PTPN13: variants seen among roughly 807,000 people sequenced by gnomAD.
The protein encoded by PTPN13 is tyrosine-protein phosphatase non-receptor type 13.
PTPN13 carries 191 observed loss-of-function variants against 284.0 expected under a neutral mutation model. The observed-to-expected ratio is 0.67, with a 90% CI of 0.60 to 0.76. PTPN13 has a LOEUF of 0.76. Ranked by LOEUF, PTPN13 falls within the 30% of genes least tolerant of loss-of-function variation. The pLI is 0.00. For missense variants in PTPN13, 2,797 were observed against 2,939.9 expected, an observed-to-expected ratio of 0.95 and a Z score of 1.12; for synonymous variants, 986 against 1,022.3, an observed-to-expected ratio of 0.96 and a Z score of 0.68.
At chr4:86,644,248 C>A (rs1283321578) in intron 2 of PTPN13, among the ~76,000 whole-genome samples, 1 of 152,020 alleles carries the variant, frequency 6.6e-6, no homozygotes, top group Non-Finnish European at 1.5e-5. Context: ...TATTCTGCCT[C>A]AGCCTCCCAA....
rs77751071 is a variant in PTPN13 at position 86,736,153 on chromosome 4, C to T, written c.2304+407C>T. Among the ~76,000 whole-genome samples the T allele has an allele frequency of 2.6e-3, 396 of 152,240 alleles. 4 individuals carry two copies. Among genetic ancestry groups the T allele is most frequent in the African/African-American group, 9.2e-3 (384 of 41,548 alleles). ...TCTCAAAAGGCTTAAAATTCAATTA[C>T]ATCCTTTAAAAATGGTCTTCCCACT... On this transcript the variant is annotated intron_variant, in intron 15 of 47. Coordinates refer to ENST00000411767, the MANE Select transcript of PTPN13 (RefSeq NM_080683.3).
chr4:86,799,317 C>CTT (rs11358237), intron 42 of PTPN13, 113 bp downstream of exon 42: 3,681 of 368,050 alleles, frequency 0.01, 58 homozygotes, highest in African/African-American at 0.053. Context: ...ACATTATTTG[C>CTT]TTTTTTTTTT....
intron 7 of PTPN13, among the ~76,000 whole-genome samples, chr4:86,705,101 CA>C (rs1731588875): frequency 6.6e-6 from 1 of 151,978 alleles, no homozygotes; most frequent in Non-Finnish European, 1.5e-5. Flanking sequence ...TTTGGGAGGC[CA>C]GGGCGGGCAG....
At chr4:86,642,555 C>T (rs986403123) in intron 2 of PTPN13, among the ~76,000 whole-genome samples, 1 of 145,088 alleles carries the variant, frequency 6.9e-6, no homozygotes, top group Non-Finnish European at 1.5e-5. Context: ...CGGGCTCAAG[C>T]GATTTTCGTG....
At chr4:86,660,314 T>G (rs1726329755) in intron 2 of PTPN13, among the ~76,000 whole-genome samples, 1 of 152,096 alleles carries the variant, frequency 6.6e-6, no homozygotes, top group Non-Finnish European at 1.5e-5. Flanking sequence ...ACTTCCCATC[T>G]GGTAGAAACA....
intron 1 of PTPN13, among the ~76,000 whole-genome samples, chr4:86,608,733 A>G (rs1765016352): frequency 1.3e-5 from 2 of 152,082 alleles, no homozygotes; most frequent in African/African-American, 4.8e-5. Flanking sequence ...ACTATGCACT[A>G]GGTATTTTAA....
chr4:86,753,117 C>CTGAGATA lies in PTPN13; in HGVS notation c.3223+53_3223+59dup. Reference sequence around the variant, plus strand: ...CATTTCCATCATTTCTTGTACCTTACTGAGATAGTCTTGGACCTAACAATG... The same window carrying CTGAGATA: ...CATTTCCATCATTTCTTGTACCTTACTGAGATATGAGATAGTCTTGGACCTAACAATG... On this transcript the variant is annotated intron_variant, in intron 20 of 47. Coordinates refer to ENST00000411767, the MANE Select transcript of PTPN13 (RefSeq NM_080683.3). 3 of 1,388,754 alleles carry CTGAGATA rather than the reference C, an allele frequency of 2.2e-6. No individual in the cohort carries two copies. The South Asian group carries it at 3.7e-5, about 17-fold the overall frequency. The allele number at this position is 1,388,754 out of a possible 1,614,324, so 86.0% of individuals were successfully genotyped here.
chr4:86,801,943 A>C (rs1358728035), intron 42 of PTPN13, among the ~76,000 whole-genome samples: 1 of 152,190 alleles, frequency 6.6e-6, no homozygotes, highest in Admixed American at 6.5e-5. Flanking sequence ...TGTCATTATA[A>C]TTCTCAATTA....
chr4:86,800,341 ATT>A (rs374508024), intron 42 of PTPN13, among the ~76,000 whole-genome samples: 2 of 141,994 alleles, frequency 1.4e-5, no homozygotes, highest in Admixed American at 1.4e-4. Context: ...AGCAAAGTCT[ATT>A]TTTTTTTTTT....
At chr4:86,614,787 A>G (rs1485727901) in intron 1 of PTPN13, among the ~76,000 whole-genome samples, 1 of 152,158 alleles carries the variant, frequency 6.6e-6, no homozygotes, top group Non-Finnish European at 1.5e-5. Flanking sequence ...CTCTAACATT[A>G]GACTGCTAAG....
chr4:86,762,638 C>T (rs1738826664), intron 23 of PTPN13, 89 bp from the exon 24 acceptor site: 1 of 1,042,036 alleles, frequency 9.6e-7, no homozygotes, highest in Non-Finnish European at 1.4e-6. Context: ...TTATAAAATC[C>T]TTCCAACAAT....
At chr4:86,631,208 G>C (rs917352793) in intron 1 of PTPN13, among the ~76,000 whole-genome samples, 4 of 152,100 alleles carry the variant, frequency 2.6e-5, no homozygotes, top group African/African-American at 9.7e-5. Context: ...TGAAGCAATA[G>C]GCTTTAAAAA....
intron 7 of PTPN13, among the ~76,000 whole-genome samples, chr4:86,715,510 T>C (rs945979155): frequency 6.6e-6 from 1 of 152,154 alleles, no homozygotes; most frequent in South Asian, 2.1e-4. Flanking sequence ...GAAGATAGCT[T>C]GAACCCAGGA....
rs538268867 is a variant in PTPN13, at chr4:86,663,861, C to A, written c.116-8504C>A. Among the ~76,000 whole-genome samples the A allele has an allele frequency of 5.3e-5, 8 of 152,210 alleles. No individual in the cohort carries two copies. The South Asian group carries it at 1.7e-3, about 32-fold the overall frequency. The stretch of plus-strand genomic sequence containing the variant: ...TATCTCCTGTAAAATGCCTTACTTA[C>A]AGCTTTGTAAGCTGTAAAACAAACA... On this transcript the variant is annotated intron_variant, in intron 2 of 47. Transcript: ENST00000411767.
chr4:86,770,391 A>C (rs935740245), intron 30 of PTPN13, among the ~76,000 whole-genome samples, 192 bp downstream of exon 30: 4 of 152,140 alleles, frequency 2.6e-5, no homozygotes, highest in African/African-American at 9.7e-5. Flanking sequence ...AATACAAAGT[A>C]ATTTATTCAA....
At chr4:86,705,106 C>A (rs532343652) in intron 7 of PTPN13, among the ~76,000 whole-genome samples, 2 of 151,910 alleles carry the variant, frequency 1.3e-5, no homozygotes, top group Non-Finnish European at 1.5e-5. Flanking sequence ...GAGGCCAGGG[C>A]GGGCAGATCA....
chr4:86,609,436 G>A (rs1431850911), intron 1 of PTPN13, among the ~76,000 whole-genome samples: 1 of 152,138 alleles, frequency 6.6e-6, no homozygotes, highest in Non-Finnish European at 1.5e-5. Flanking sequence ...TTCCTGGGGT[G>A]CTTTTCTGTA....
intron 42 of PTPN13, among the ~76,000 whole-genome samples, chr4:86,800,836 C>T (rs1411800655): frequency 6.6e-6 from 1 of 152,208 alleles, no homozygotes; most frequent in Non-Finnish European, 1.5e-5. Flanking sequence ...CTTGCTCATC[C>T]ACCCAGCCTT....
chr4:86,803,121 CCTT>C (rs1407111104), intron 42 of PTPN13, among the ~76,000 whole-genome samples: 9 of 147,292 alleles, frequency 6.1e-5, no homozygotes, highest in South Asian at 2.1e-4. Flanking sequence ...AAAATAAAGA[CCTT>C]CTTAGCCAGG....
Sources: allele counts gnomAD v4.1 joint callset (sites outside exome capture counted in the v4.1 genomes callset), GRCh38; gene constraint gnomAD v4.1.1; transcripts MANE v1.5; gene names NCBI Gene and HGNC (gene_info 2026-07-23, HGNC 2026-07-21).